The following MACROD2 variants were observed in gnomAD, a reference collection of about 807,000 sequenced individuals.
The protein encoded by MACROD2 is ADP-ribose glycohydrolase MACROD2.
In MACROD2, 36 loss-of-function variants were observed where a neutral mutation model predicts 70.4. The ratio of observed to expected loss-of-function variants is 0.51; its 90% CI spans 0.39 to 0.68. MACROD2 has a LOEUF of 0.68. Ranked by LOEUF, MACROD2 falls within the 30% of genes least tolerant of loss-of-function variation. MACROD2 has a pLI of 0.00. For missense variants in MACROD2, 496 were observed against 538.4 expected (o/e 0.92, Z 0.78); for synonymous variants, 172 against 178.8 (o/e 0.96, Z 0.30).
chr20:14,990,162 C>A (rs2074888359), intron 5 of MACROD2, among the ~76,000 whole-genome samples: 1 of 151,972 alleles, frequency 6.6e-6, no homozygotes, highest in African/African-American at 2.4e-5. Context: ...CAGAGAGGAG[C>A]CAGCTGTTCA....
At chr20:15,643,773 A>G (rs984708500) in intron 8 of MACROD2, among the ~76,000 whole-genome samples, 1 of 152,234 alleles carries the variant, frequency 6.6e-6, no homozygotes, top group Non-Finnish European at 1.5e-5. Context: ...GTTAGAACTT[A>G]GGTTTGGCTG....
At chr20:15,816,977 G>A (rs999062213) in intron 8 of MACROD2, among the ~76,000 whole-genome samples, 3 of 151,924 alleles carry the variant, frequency 2.0e-5, no homozygotes, top group Admixed American at 6.6e-5. Context: ...ACTTGTCCAC[G>A]CACAAAAAAA....
chr20:14,229,378 A>G (rs1219408127), intron 3 of MACROD2, among the ~76,000 whole-genome samples: 1 of 152,236 alleles, frequency 6.6e-6, no homozygotes, highest in Non-Finnish European at 1.5e-5. Context: ...AAACCCAACA[A>G]TAAGAAAACA....
chr20:14,283,984 A>T (rs1031267755), intron 3 of MACROD2, among the ~76,000 whole-genome samples: 1 of 152,158 alleles, frequency 6.6e-6, no homozygotes, highest in Non-Finnish European at 1.5e-5. Flanking sequence ...GTAATTTGGG[A>T]ATTTTTATCA....
At chr20:15,957,532 T>A (rs2065995097) in intron 12 of MACROD2, among the ~76,000 whole-genome samples, 2 of 152,198 alleles carry the variant, frequency 1.3e-5, no homozygotes. Context: ...CTTCCCTCCC[T>A]CTTGGTCCCT....
intron 3 of MACROD2, among the ~76,000 whole-genome samples, chr20:14,274,549 G>C (rs2082231716): frequency 6.6e-6 from 1 of 152,088 alleles, no homozygotes; most frequent in South Asian, 2.1e-4. Context: ...CATACTGAAT[G>C]GGCAAAAACT....
intron 8 of MACROD2, among the ~76,000 whole-genome samples, chr20:15,712,934 G>C (rs2050650407): frequency 1.3e-5 from 2 of 152,176 alleles, no homozygotes; most frequent in South Asian, 4.1e-4. Flanking sequence ...CATATGCAGT[G>C]CAACTAGGCT....
chr20:14,598,140 A>G (rs57192436), intron 4 of MACROD2, among the ~76,000 whole-genome samples: 7,091 of 152,190 alleles, frequency 0.047, 573 homozygotes, highest in African/African-American at 0.16. Context: ...AAGCATTTCT[A>G]CAAGCACTAT....
intron 8 of MACROD2, among the ~76,000 whole-genome samples, chr20:15,613,771 A>G (rs2049001457): frequency 6.6e-6 from 1 of 152,204 alleles, no homozygotes. Context: ...ACACAGTGGA[A>G]CTTGCCTCTT....
chr20:14,265,766 C>A (rs2082139131), intron 3 of MACROD2, among the ~76,000 whole-genome samples: 2 of 144,044 alleles, frequency 1.4e-5, no homozygotes, highest in African/African-American at 4.9e-5. Flanking sequence ...AACCTGTTCC[C>A]CGCCTTGTCC....
chr20:14,690,831 G>A (rs1381286252), intron 5 of MACROD2, among the ~76,000 whole-genome samples: 1 of 152,176 alleles, frequency 6.6e-6, no homozygotes, highest in Non-Finnish European at 1.5e-5. Flanking sequence ...GGATTTTACG[G>A]CCACAGAACC....
chr20:14,083,463 A>G (rs898164426), intron 2 of MACROD2, among the ~76,000 whole-genome samples: 1 of 152,022 alleles, frequency 6.6e-6, no homozygotes, highest in Non-Finnish European at 1.5e-5. Context: ...ATCACTTACT[A>G]TGAGGCAAAC....
chr20:15,181,426 C>T (rs1382035218), intron 5 of MACROD2, among the ~76,000 whole-genome samples: 1 of 152,100 alleles, frequency 6.6e-6, no homozygotes, highest in Non-Finnish European at 1.5e-5. Context: ...ATTGATTACT[C>T]TGGATTAATA....
At chr20:14,748,095 T>A (rs763327356) in intron 5 of MACROD2, among the ~76,000 whole-genome samples, 1 of 152,082 alleles carries the variant, frequency 6.6e-6, no homozygotes, top group Non-Finnish European at 1.5e-5. Flanking sequence ...CATAGGAGGA[T>A]CCTTGATGAG....
chr20:15,721,543 C>G (rs1396364857), intron 8 of MACROD2, among the ~76,000 whole-genome samples: 23 of 151,966 alleles, frequency 1.5e-4, no homozygotes, highest in Non-Finnish European at 1.8e-4. Context: ...CCAACGTGTC[C>G]ACAATATAAA....
chr20:14,785,148 C>A (rs950058036), intron 5 of MACROD2, among the ~76,000 whole-genome samples: 14 of 151,502 alleles, frequency 9.2e-5, no homozygotes, highest in African/African-American at 3.2e-4. Flanking sequence ...CTGTCTCTCC[C>A]TGTCAGTCTC....
chr20:15,545,621 G>T (rs909624753), intron 8 of MACROD2, among the ~76,000 whole-genome samples: 1 of 152,076 alleles, frequency 6.6e-6, no homozygotes, highest in Non-Finnish European at 1.5e-5. Flanking sequence ...AATAAATCTT[G>T]TTTCATTGTC....
chr20:14,351,904 A>G (rs2083126356), intron 3 of MACROD2, among the ~76,000 whole-genome samples: 2 of 152,118 alleles, frequency 1.3e-5, no homozygotes, highest in Admixed American at 1.3e-4. Flanking sequence ...CATTTGTTCT[A>G]TATCCAGTTA....
At chr20:15,922,207 C>T (rs73900803) in intron 10 of MACROD2, among the ~76,000 whole-genome samples, 1,615 of 152,310 alleles carry the variant, frequency 0.011, 22 homozygotes, top group African/African-American at 0.031. Context: ...CTGGACTCAG[C>T]TCCACAGCTC....
Sources: allele counts gnomAD v4.1 joint callset (sites outside exome capture counted in the v4.1 genomes callset), GRCh38; gene constraint gnomAD v4.1.1; transcripts MANE v1.5; gene names NCBI Gene and HGNC (gene_info 2026-07-23, HGNC 2026-07-21).